Variants in LRP1B observed in about 807,000 individuals in gnomAD.
LRP1B encodes the protein LDL receptor related protein 1B, also known as low-density lipoprotein receptor-related protein 1B.
LRP1B carries 217 observed loss-of-function variants against 556.6 expected under a neutral mutation model. The ratio of observed to expected loss-of-function variants is 0.39; its 90% CI spans 0.35 to 0.44. The LOEUF (loss-of-function observed/expected upper bound fraction) is 0.44. Among genes scored for constraint, LRP1B ranks in the 20% least tolerant of loss-of-function variants. The probability of loss-of-function intolerance (pLI) is 1.00; values close to 1 mark genes in which losing one functional copy is unlikely to be tolerated. For missense variants in LRP1B, 5,053 were observed against 5,620.8 expected, an observed-to-expected ratio of 0.90 and a Z score of 3.23; for synonymous variants, 2,047 against 1,865.8, an observed-to-expected ratio of 1.10 and a Z score of -2.50.
At chr2:140,983,279 T>C (rs915166803) in intron 17 of LRP1B, among the ~76,000 whole-genome samples, 6 of 152,058 alleles carry the variant, frequency 3.9e-5, no homozygotes, top group African/African-American at 1.4e-4. Flanking sequence ...ATGAGATATA[T>C]TGGGAAAGGG....
chr2:141,771,567 G>T (rs2105616533), intron 2 of LRP1B, among the ~76,000 whole-genome samples: 1 of 152,284 alleles, frequency 6.6e-6, no homozygotes, highest in Middle Eastern at 3.4e-3. Context: ...GTTTACTTTA[G>T]AAGGAGGTTG....
intron 43 of LRP1B, among the ~76,000 whole-genome samples, chr2:140,554,888 A>G (rs184801626): frequency 3.2e-5 from 3 of 93,688 alleles, no homozygotes; most frequent in Admixed American, 1.0e-4. Context: ...GTGTGTGTAT[A>G]TGTATATGAA....
chr2:141,143,679 C>G (rs574016180), intron 7 of LRP1B, among the ~76,000 whole-genome samples: 2 of 152,210 alleles, frequency 1.3e-5, no homozygotes, highest in East Asian at 3.9e-4. Context: ...TCAGAACTGC[C>G]TTTTCTCACT....
chr2:141,107,976 T>TATA (rs1173543889), intron 7 of LRP1B, among the ~76,000 whole-genome samples: 12 of 152,286 alleles, frequency 7.9e-5, no homozygotes, highest in African/African-American at 2.9e-4. Flanking sequence ...AAGTACTCAT[T>TATA]ATATCAGCTT....
intron 74 of LRP1B, among the ~76,000 whole-genome samples, chr2:140,357,531 G>A (rs986933380): frequency 1.3e-5 from 2 of 151,028 alleles, no homozygotes; most frequent in African/African-American, 4.9e-5. Flanking sequence ...AATAACTCAA[G>A]TATCATGGCA....
At chr2:140,309,500 A>G (rs1684204621) in intron 83 of LRP1B, among the ~76,000 whole-genome samples, 1 of 151,754 alleles carries the variant, frequency 6.6e-6, no homozygotes, top group South Asian at 2.1e-4. Flanking sequence ...GTCCAATCGA[A>G]TCACTAACTG....
At chr2:141,442,037 T>C (rs1258311059) in intron 3 of LRP1B, among the ~76,000 whole-genome samples, 2 of 152,176 alleles carry the variant, frequency 1.3e-5, no homozygotes, top group African/African-American at 4.8e-5. Flanking sequence ...ACCCAAATTT[T>C]GAATCTTTGG....
chr2:141,266,029 G>C (rs1157407312), intron 3 of LRP1B, among the ~76,000 whole-genome samples: 1 of 152,012 alleles, frequency 6.6e-6, no homozygotes, highest in Non-Finnish European at 1.5e-5. Flanking sequence ...GGGAGAGTAG[G>C]AATATGCATG....
intron 41 of LRP1B, among the ~76,000 whole-genome samples, chr2:140,603,300 T>C (rs1682743588): frequency 6.6e-6 from 1 of 152,080 alleles, no homozygotes; most frequent in South Asian, 2.1e-4. Flanking sequence ...GTGATGCACA[T>C]AGTTCTCCTA....
rs554904154 is a variant in LRP1B, at chr2:140,301,984, C to T, written c.12806-4015G>A. On this transcript the variant is annotated intron_variant, in intron 83 of 90. Coordinates refer to ENST00000389484, the MANE Select transcript of LRP1B (RefSeq NM_018557.3). ...CCTCTAATCACTTCCTCACTGAATC[C>T]ATTAATTACTTCTCAACCATTATCT... Among the ~76,000 whole-genome samples the T allele has an allele frequency of 3.3e-5, 5 of 152,104 alleles. No homozygotes were observed. The East Asian group carries it at 7.7e-4, about 24-fold the overall frequency.
At chr2:140,464,840 G>A (rs2105333815) in intron 60 of LRP1B, among the ~76,000 whole-genome samples, 1 of 152,110 alleles carries the variant, frequency 6.6e-6, no homozygotes, top group African/African-American at 2.4e-5. Flanking sequence ...TTTGCCTCTG[G>A]GACACATATC....
intron 3 of LRP1B, among the ~76,000 whole-genome samples, chr2:141,375,674 G>A (rs1689402171): frequency 6.6e-6 from 1 of 152,092 alleles, no homozygotes; most frequent in South Asian, 2.1e-4. Context: ...CTGAGGGAAG[G>A]GAACAACCTA....
At chr2:141,832,668 T>G (rs1697151149) in intron 1 of LRP1B, among the ~76,000 whole-genome samples, 1 of 151,772 alleles carries the variant, frequency 6.6e-6, no homozygotes, top group Admixed American at 6.6e-5. Flanking sequence ...TTTCAAAAAC[T>G]TATTGGATGT....
At chr2:140,612,217 G>A (rs762626324) in intron 41 of LRP1B, among the ~76,000 whole-genome samples, 7 of 152,034 alleles carry the variant, frequency 4.6e-5, no homozygotes, top group Non-Finnish European at 1.0e-4. Flanking sequence ...GATATTTTAT[G>A]AGGTGTAATA....
At chr2:141,547,755 A>G (rs191464298) in intron 2 of LRP1B, among the ~76,000 whole-genome samples, 2 of 152,232 alleles carry the variant, frequency 1.3e-5, no homozygotes, top group Admixed American at 1.3e-4. Flanking sequence ...CTTCTTTTTA[A>G]TATCTCCTTT....
At chr2:141,811,469 A>T (rs1302644296) in intron 1 of LRP1B, among the ~76,000 whole-genome samples, 2 of 152,004 alleles carry the variant, frequency 1.3e-5, no homozygotes, top group African/African-American at 4.8e-5. Context: ...CTTACACTCA[A>T]TGGTATCCTA....
At chr2:141,808,514 C>A (rs1269012685) in intron 2 of LRP1B, among the ~76,000 whole-genome samples, 1 of 151,982 alleles carries the variant, frequency 6.6e-6, no homozygotes, top group East Asian at 1.9e-4. Flanking sequence ...GTTGTTTTTC[C>A]ACATTCCTAT....
At chr2:141,463,630 T>G (rs1253128710) in intron 3 of LRP1B, among the ~76,000 whole-genome samples, 1 of 91,830 alleles carries the variant, frequency 1.1e-5, no homozygotes. Flanking sequence ...TATTATATAT[T>G]ATTATATATT....
At chr2:141,382,095 C>G (rs982969359) in intron 3 of LRP1B, among the ~76,000 whole-genome samples, 2 of 152,168 alleles carry the variant, frequency 1.3e-5, no homozygotes, top group Non-Finnish European at 2.9e-5. Context: ...CTTCAGCCTG[C>G]AAGCTCAACC....
Sources: gnomAD v4.1 joint callset for allele counts (sites outside exome capture counted in the v4.1 genomes callset) on GRCh38, gnomAD v4.1.1 for gene constraint, MANE v1.5 for transcripts, NCBI Gene and HGNC (gene_info 2026-07-23, HGNC 2026-07-21) for gene names.